Variants in ARHGAP6 observed in about 807,000 individuals in gnomAD.
ARHGAP6 encodes the protein rho GTPase-activating protein 6.
In ARHGAP6, 16 loss-of-function variants were observed where a neutral mutation model predicts 55.7. That is an observed-to-expected ratio of 0.29 (90% CI 0.19 to 0.44). ARHGAP6 has a LOEUF of 0.44. Among genes scored for constraint, ARHGAP6 ranks in the 20% least tolerant of loss-of-function variants. ARHGAP6 has a pLI of 1.00. For synonymous variants in ARHGAP6, 382 were observed against 360.9 expected, an observed-to-expected ratio of 1.06 and a Z score of -0.66; for missense variants, 698 against 808.9, an observed-to-expected ratio of 0.86 and a Z score of 1.66.
chrX:11,162,097 A>C (rs969608105), intron 9 of ARHGAP6, among the ~76,000 whole-genome samples: 2 of 111,395 alleles, frequency 1.8e-5, no homozygotes, highest in African/African-American at 6.5e-5. Context: ...GCCTCCCTCA[A>C]AGCTAGGGCA....
At position 11,389,133 on chromosome X, in the gene ARHGAP6, A is replaced by G. The variant is rs921728097; in HGVS notation, c.589-134426T>C. Among the ~76,000 whole-genome samples the G allele has an allele frequency of 2.0e-4, 22 of 111,721 alleles. 1 individual carries two copies. Among genetic ancestry groups the G allele is most frequent in the Middle Eastern group, 4.6e-3 (1 of 219 alleles). On this transcript the variant is annotated intron_variant, in intron 1 of 12. Transcript: ENST00000337414. ...GGAATCTACCGGGGATCGACCAGGG[A>G]CACTGCTAAACACTCTACAACGCAT...
intron 1 of ARHGAP6, chrX:11,367,880 G>T (rs2049101287): frequency 1.7e-6 from 1 of 601,363 alleles, no homozygotes; most frequent in Non-Finnish European, 2.0e-6. Context: ...AAGCAACAAG[G>T]TCAATTCTTG....
chrX:11,326,874 C>A (rs1024341683), intron 1 of ARHGAP6, among the ~76,000 whole-genome samples: 1 of 111,645 alleles, frequency 9.0e-6, no homozygotes. Context: ...AAAATAAAAG[C>A]ATTTTTAAAA....
intron 1 of ARHGAP6, among the ~76,000 whole-genome samples, chrX:11,402,687 G>C (rs1019922452): frequency 2.7e-5 from 3 of 112,048 alleles, no homozygotes; most frequent in Non-Finnish European, 5.6e-5. Flanking sequence ...TTTCACATAG[G>C]AGTGATGTTT....
rs187736268 is a variant in ARHGAP6 at position 11,227,929 on chromosome X, A to G, written c.748+26619T>C. Reference sequence around the variant, plus strand: ...CAAGTTTTGTATTACTTTTTTTTTTATTCGTGCATTTGCTCATGTCACAGG... The same window carrying G: ...CAAGTTTTGTATTACTTTTTTTTTTGTTCGTGCATTTGCTCATGTCACAGG... On this transcript the variant is annotated intron_variant, in intron 2 of 12. Coordinates refer to ENST00000337414, the MANE Select transcript of ARHGAP6 (RefSeq NM_013427.3). 8.3e-5 allele frequency among the ~76,000 whole-genome samples: 8 copies of G among 96,667 alleles called. No homozygotes were observed. The East Asian group carries it at 2.5e-3, about 31-fold the overall frequency. The allele number at this position is 96,667 out of a possible 115,157, so 83.9% of individuals were successfully genotyped here. A position where few individuals can be genotyped will look rare whatever the true frequency, so the allele number is the denominator to read the frequency against.
At chrX:11,541,629 C>T (rs2051158562) in intron 1 of ARHGAP6, among the ~76,000 whole-genome samples, 2 of 111,958 alleles carry the variant, frequency 1.8e-5, no homozygotes, top group African/African-American at 6.5e-5. Flanking sequence ...ACAGGATTAA[C>T]CATTCAGAGG....
At chrX:11,455,661 T>G (rs1419384948) in intron 1 of ARHGAP6, among the ~76,000 whole-genome samples, 1 of 112,249 alleles carries the variant, frequency 8.9e-6, no homozygotes, top group Non-Finnish European at 1.9e-5. Context: ...CTTTTCCATC[T>G]ACCCCCACTA....
At chrX:11,663,047 G>T (rs1205786154) in intron 1 of ARHGAP6, among the ~76,000 whole-genome samples, 1 of 112,069 alleles carries the variant, frequency 8.9e-6, no homozygotes, top group Non-Finnish European at 1.9e-5. Context: ...TTAGTTTTTT[G>T]TAATCTGCAC....
At chrX:11,641,576 G>C (rs929090790) in intron 1 of ARHGAP6, among the ~76,000 whole-genome samples, 3 of 111,362 alleles carry the variant, frequency 2.7e-5, no homozygotes, top group South Asian at 7.5e-4. Flanking sequence ...CAATAAATTT[G>C]GTCATATAGA....
At position 11,143,970 on chromosome X, in the gene ARHGAP6, C is replaced by T. The variant is rs778497352; in HGVS notation, c.2176+10G>A. The T allele has an allele frequency of 2.5e-6, 3 of 1,212,121 alleles. No homozygotes were observed. The highest frequency in any genetic ancestry group is 3.3e-6 in the Non-Finnish European group (3 of 895,561). ...TTTTGGCCAGCGCCTGCTGGCCAGG[C>T]TCCAGTTACCTTTCCCAAGCCTTGG... On this transcript the variant is annotated intron_variant, in intron 11 of 12. Coordinates refer to ENST00000337414, the MANE Select transcript of ARHGAP6 (RefSeq NM_013427.3).
At chrX:11,271,378 A>T (rs2047691290) in intron 1 of ARHGAP6, among the ~76,000 whole-genome samples, 1 of 111,703 alleles carries the variant, frequency 9.0e-6, no homozygotes, top group African/African-American at 3.2e-5. Flanking sequence ...TAGGCAAAAT[A>T]AAAAATGCCA....
chrX:11,526,128 A>T (rs1212033353), intron 1 of ARHGAP6, among the ~76,000 whole-genome samples: 1 of 111,933 alleles, frequency 8.9e-6, no homozygotes, highest in Non-Finnish European at 1.9e-5. Context: ...AAGCACTGGG[A>T]AAGGATGAAA....
chrX:11,247,904 A>G (rs1472493579), intron 2 of ARHGAP6, among the ~76,000 whole-genome samples: 1 of 111,768 alleles, frequency 8.9e-6, no homozygotes, highest in East Asian at 2.8e-4. Context: ...AAGAGTAGCC[A>G]TTTGAATAAT....
intron 2 of ARHGAP6, among the ~76,000 whole-genome samples, chrX:11,249,622 A>C (rs948318142): frequency 9.0e-6 from 1 of 111,442 alleles, no homozygotes; most frequent in African/African-American, 3.3e-5. Flanking sequence ...AATGAATGTG[A>C]GGGAGAGCAT....
At chrX:11,520,371 C>T (rs1395305429) in intron 1 of ARHGAP6, among the ~76,000 whole-genome samples, 1 of 101,974 alleles carries the variant, frequency 9.8e-6, no homozygotes, top group Non-Finnish European at 2.0e-5. Context: ...TCCAAGTGTT[C>T]TCATTGTTCA....
intron 1 of ARHGAP6, among the ~76,000 whole-genome samples, chrX:11,485,824 G>A (rs2050505864): frequency 9.0e-6 from 1 of 111,423 alleles, no homozygotes; most frequent in Non-Finnish European, 1.9e-5. Context: ...GTGAGAGAAG[G>A]AAAACATCGA....
rs2049901929 is a variant in ARHGAP6, at chrX:11,427,820, AGGAGG to A, written c.589-173118_589-173114del. 104 of 171,107 alleles carry A rather than the reference AGGAGG, an allele frequency of 6.1e-4. No homozygotes were observed. In the African/African-American group the frequency reaches 0.02, roughly 32 times the overall value. The allele number at this position is 171,107 out of a possible 1,213,427, so 14.1% of individuals were successfully genotyped here. On this transcript the variant is annotated intron_variant, in intron 1 of 12. Transcript: ENST00000337414. ...GGCGCGAAGGGGGAGGGGGAAGAGG[AGGAGG>A]AGGAGGAGGAGGAGGAGGAGGAGGA...
intron 1 of ARHGAP6, among the ~76,000 whole-genome samples, chrX:11,585,016 C>G (rs5935112): frequency 0.39 from 42,569 of 110,493 alleles, 6,396 homozygotes; most frequent in African/African-American, 0.55. Context: ...CCACTTGTAA[C>G]TGAGAACATA....
intron 1 of ARHGAP6, among the ~76,000 whole-genome samples, chrX:11,487,313 C>T (rs2050521282): frequency 9.0e-6 from 1 of 111,723 alleles, no homozygotes; most frequent in African/African-American, 3.3e-5. Context: ...CCATTTTACA[C>T]TAAACAGAGC....
Sources: allele counts gnomAD v4.1 joint callset (sites outside exome capture counted in the v4.1 genomes callset), GRCh38; gene constraint gnomAD v4.1.1; transcripts MANE v1.5; gene names NCBI Gene and HGNC (gene_info 2026-07-23, HGNC 2026-07-21).